Variants in APBA1 observed in about 807,000 individuals in gnomAD.
APBA1 encodes amyloid-beta A4 precursor protein-binding family A member 1.
In APBA1, 55 loss-of-function variants were observed where a neutral mutation model predicts 86.6. That is an observed-to-expected ratio of 0.64 (90% CI 0.51 to 0.80). The LOEUF (loss-of-function observed/expected upper bound fraction) is 0.80, where lower values mean the gene tolerates loss of function less well. Among genes scored for constraint, APBA1 ranks in the 30% least tolerant of loss-of-function variants. The probability of loss-of-function intolerance (pLI) is 0.00; values close to 1 mark genes in which losing one functional copy is unlikely to be tolerated. For missense variants in APBA1, 1,090 were observed against 1,183.0 expected, an observed-to-expected ratio of 0.92 and a Z score of 1.15; for synonymous variants, 511 against 493.9, an observed-to-expected ratio of 1.03 and a Z score of -0.46.
intron 1 of APBA1, among the ~76,000 whole-genome samples, chr9:69,580,694 A>G (rs1821897633): frequency 6.6e-6 from 1 of 152,182 alleles, no homozygotes; most frequent in African/African-American, 2.4e-5. Context: ...TTGAAAAACC[A>G]AAAGCGTGAA....
At chr9:69,512,088 A>ATAAG (rs1836057182) in intron 2 of APBA1, among the ~76,000 whole-genome samples, 1 of 151,956 alleles carries the variant, frequency 6.6e-6, no homozygotes, top group African/African-American at 2.4e-5. Flanking sequence ...AAATAAATAA[A>ATAAG]TAAATAAAAA....
intron 2 of APBA1, among the ~76,000 whole-genome samples, chr9:69,484,313 C>T (rs1223908923): frequency 2.0e-5 from 3 of 152,054 alleles, no homozygotes; most frequent in Non-Finnish European, 4.4e-5. Flanking sequence ...GAACCCGGAC[C>T]CCACAGTAAA....
rs1324927824 is a variant in APBA1, at chr9:69,641,370, C to T, written c.-70+30783G>A. On this transcript the variant is annotated intron_variant, in intron 1 of 12. Transcript: ENST00000265381. The stretch of plus-strand genomic sequence containing the variant: ...ATTCAACATAATACCAATCAAAATC[C>T]CAGCAGACTTCTCTGTAGAAACTGA... Among the ~76,000 whole-genome samples, 3 of 152,066 alleles carry T rather than the reference C, an allele frequency of 2.0e-5. No homozygotes were observed. The East Asian group carries it at 5.8e-4, about 29-fold the overall frequency.
At chr9:69,640,115 A>G (rs1170828459) in intron 1 of APBA1, among the ~76,000 whole-genome samples, 1 of 152,190 alleles carries the variant, frequency 6.6e-6, no homozygotes, top group African/African-American at 2.4e-5. Flanking sequence ...AGAAAAGATT[A>G]ATAAAATAAG....
At chr9:69,523,625 G>C (rs1836299476) in intron 1 of APBA1, among the ~76,000 whole-genome samples, 1 of 149,664 alleles carries the variant, frequency 6.7e-6, no homozygotes, top group African/African-American at 2.5e-5. Flanking sequence ...CCATACAATA[G>C]TAGTAGGGGA....
Position 69,557,796 on chromosome 9 carries a change from C to T in APBA1, c.-69-40517G>A, listed in dbSNP as rs567650773. On this transcript the variant is annotated intron_variant, in intron 1 of 12. Coordinates refer to ENST00000265381, the MANE Select transcript of APBA1 (RefSeq NM_001163.4). Reference sequence around the variant, plus strand: ...AAGCCTCAGTGCTCCCGGTTGTCTTCTATTTTGCCTGGTTTACCCTTTACT... The same window carrying T: ...AAGCCTCAGTGCTCCCGGTTGTCTTTTATTTTGCCTGGTTTACCCTTTACT... Among the ~76,000 whole-genome samples the T allele has an allele frequency of 3.3e-5, 5 of 152,310 alleles. No individual in the cohort carries two copies. In the East Asian group the frequency reaches 9.6e-4, roughly 29 times the overall value.
chr9:69,576,555 A>C (rs570221714), intron 1 of APBA1, among the ~76,000 whole-genome samples: 76 of 152,334 alleles, frequency 5.0e-4, no homozygotes, highest in African/African-American at 1.7e-3. Flanking sequence ...TGTCTTTTGT[A>C]GGGACATGGA....
intron 10 of APBA1, among the ~76,000 whole-genome samples, chr9:69,443,002 A>C (rs1341869358): frequency 6.6e-6 from 1 of 152,210 alleles, no homozygotes; most frequent in African/African-American, 2.4e-5. Flanking sequence ...GAAATGACCT[A>C]TACCCCTTTT....
intron 1 of APBA1, among the ~76,000 whole-genome samples, chr9:69,567,741 A>G (rs1837051046): frequency 6.6e-6 from 1 of 152,148 alleles, no homozygotes; most frequent in African/African-American, 2.4e-5. Context: ...AGCAGAGCTC[A>G]GGCCTGTCAG....
intron 7 of APBA1, 39 bp from the exon 8 acceptor site, chr9:69,456,471 C>T: frequency 6.5e-7 from 1 of 1,534,568 alleles, no homozygotes; most frequent in Non-Finnish European, 8.8e-7. Flanking sequence ...TCCAGCTCAG[C>T]ATCTAATGAC....
intron 3 of APBA1, chr9:69,474,497 C>T (rs1050328840): frequency 8.5e-5 from 13 of 152,210 alleles, no homozygotes; most frequent in African/African-American, 2.4e-4. Flanking sequence ...GCTCAAGAAA[C>T]GATAGTGCTC....
intron 1 of APBA1, among the ~76,000 whole-genome samples, chr9:69,604,605 C>T (rs1367375583): frequency 2.1e-5 from 3 of 145,218 alleles, no homozygotes; most frequent in Non-Finnish European, 3.0e-5. Flanking sequence ...TGTGGGCACA[C>T]ACATGAGGGT....
intron 1 of APBA1, among the ~76,000 whole-genome samples, chr9:69,530,419 A>C (rs1198665016): frequency 6.6e-6 from 1 of 152,004 alleles, no homozygotes; most frequent in Non-Finnish European, 1.5e-5. Context: ...CTTTGTAGCA[A>C]CATGGATAGA....
chr9:69,637,990 C>T (rs942953413), intron 1 of APBA1, among the ~76,000 whole-genome samples: 5 of 152,196 alleles, frequency 3.3e-5, no homozygotes, highest in Non-Finnish European at 7.3e-5. Flanking sequence ...GCACATAATT[C>T]ATGAGTCATG....
At chr9:69,497,806 A>C (rs1206031143) in intron 2 of APBA1, among the ~76,000 whole-genome samples, 1 of 152,024 alleles carries the variant, frequency 6.6e-6, no homozygotes, top group Non-Finnish European at 1.5e-5. Context: ...CTTTGGTTTC[A>C]TCGTCCATCG....
chr9:69,574,221 A>C (rs1279650262), intron 1 of APBA1, among the ~76,000 whole-genome samples: 4 of 152,202 alleles, frequency 2.6e-5, no homozygotes, highest in Non-Finnish European at 5.9e-5. Context: ...ACCTGGGTCC[A>C]TACCGCCCTG....
At chr9:69,539,110 G>C (rs1424606145) in intron 1 of APBA1, among the ~76,000 whole-genome samples, 2 of 152,096 alleles carry the variant, frequency 1.3e-5, no homozygotes, top group Admixed American at 1.3e-4. Flanking sequence ...GAGGACCCAG[G>C]CTCAGTCTTT....
intron 1 of APBA1, among the ~76,000 whole-genome samples, chr9:69,595,312 G>A (rs1822206433): frequency 6.6e-6 from 1 of 152,052 alleles, no homozygotes. Flanking sequence ...GTTTCCATGG[G>A]AATCTGTGCT....
At chr9:69,556,441 A>T (rs1836861302) in intron 1 of APBA1, among the ~76,000 whole-genome samples, 1 of 152,150 alleles carries the variant, frequency 6.6e-6, no homozygotes, top group African/African-American at 2.4e-5. Context: ...AGCCTGTCGG[A>T]GTTTACACAA....
Sources: allele counts gnomAD v4.1 joint callset (sites outside exome capture counted in the v4.1 genomes callset), GRCh38; gene constraint gnomAD v4.1.1; transcripts MANE v1.5; gene names NCBI Gene and HGNC (gene_info 2026-07-23, HGNC 2026-07-21).